The following ZRANB3 variants were observed in gnomAD, a reference collection of about 807,000 sequenced individuals.
ZRANB3 encodes the protein zinc finger RANBP2-type containing 3.
Under a neutral mutation model 133.8 loss-of-function variants are expected in ZRANB3, and 125 were observed. The ratio of observed to expected loss-of-function variants is 0.93; its 90% CI spans 0.81 to 1.08. ZRANB3 has a LOEUF of 1.08. ZRANB3 is among the 50% of genes least tolerant of loss of function. ZRANB3 has a pLI of 0.00. For missense variants in ZRANB3, 1,229 were observed against 1,275.5 expected, an observed-to-expected ratio of 0.96 and a Z score of 0.56; for synonymous variants, 387 against 432.7, an observed-to-expected ratio of 0.89 and a Z score of 1.31.
chr2:135,420,092 TA>T (rs1574077247), intron 2 of ZRANB3, among the ~76,000 whole-genome samples: 2 of 38,354 alleles, frequency 5.2e-5, no homozygotes, highest in African/African-American at 7.3e-4. Flanking sequence ...ATCTTAGATT[TA>T]TATATATATA....
At chr2:135,499,112 G>A (rs1210155723) in intron 2 of ZRANB3, among the ~76,000 whole-genome samples, 1 of 152,058 alleles carries the variant, frequency 6.6e-6, no homozygotes, top group African/African-American at 2.4e-5. Flanking sequence ...AGCTTGGGGG[G>A]CATCACAGAA....
rs530466686 is a variant in ZRANB3 at position 135,475,163 on chromosome 2, T to C, written c.161+29166A>G. ...CTTACCCAGTAGCCAGTTTTATTGT[T>C]AGAAATGTAACACATTCTTCTGTAT... On this transcript the variant is annotated intron_variant, in intron 2 of 20. Transcript: ENST00000264159. Among the ~76,000 whole-genome samples, 22 of 151,874 alleles carry C rather than the reference T, an allele frequency of 1.4e-4. No homozygotes were observed. In the East Asian group the frequency reaches 2.1e-3, roughly 15 times the overall value.
At chr2:135,220,167 A>G (rs527261414) in intron 15 of ZRANB3, among the ~76,000 whole-genome samples, 2 of 152,108 alleles carry the variant, frequency 1.3e-5, no homozygotes, top group East Asian at 3.9e-4. Context: ...CGCCTCCCAA[A>G]GTGCTAGGAT....
intron 2 of ZRANB3, among the ~76,000 whole-genome samples, chr2:135,497,270 A>G (rs1692715097): frequency 6.6e-6 from 1 of 152,238 alleles, no homozygotes; most frequent in Non-Finnish European, 1.5e-5. Flanking sequence ...TGCAGAGTCA[A>G]TAATAGCTGA....
chr2:135,403,332 C>A (rs11891361), intron 2 of ZRANB3, among the ~76,000 whole-genome samples: 40,617 of 152,160 alleles, frequency 0.27, 9,077 homozygotes, highest in African/African-American at 0.6. Context: ...GGAGGGTCCT[C>A]CGCCCACAGA....
At chr2:135,354,965 G>A (rs1685365471) in intron 3 of ZRANB3, among the ~76,000 whole-genome samples, 1 of 151,848 alleles carries the variant, frequency 6.6e-6, no homozygotes, top group Non-Finnish European at 1.5e-5. Flanking sequence ...GCAAACAATG[G>A]GAAAGAGAGA....
chr2:135,400,039 A>G (rs1434804845), intron 2 of ZRANB3, among the ~76,000 whole-genome samples: 1 of 152,152 alleles, frequency 6.6e-6, no homozygotes, highest in African/African-American at 2.4e-5. Flanking sequence ...CAAGAGTTTG[A>G]GACCAGCCTG....
chr2:135,335,650 A>T (rs1273297184), intron 6 of ZRANB3, among the ~76,000 whole-genome samples: 1 of 152,112 alleles, frequency 6.6e-6, no homozygotes, highest in Admixed American at 6.5e-5. Context: ...CAGAGATTGC[A>T]CCACTGCACT....
chr2:135,246,039 C>CTTTTTTTTTTTTTTTTTTTTTTTTTTTT (rs569950745), intron 12 of ZRANB3, among the ~76,000 whole-genome samples: 3 of 100,422 alleles, frequency 3.0e-5, no homozygotes, highest in African/African-American at 4.0e-5. Context: ...TTCTTTCTTT[C>CTTTTTTTTTTTTTTTTTTTTTTTTTTTT]TTTTTTTTTT....
At chr2:135,271,607 T>C (rs1190129177) in intron 10 of ZRANB3, among the ~76,000 whole-genome samples, 161 bp downstream of exon 10, 1 of 152,218 alleles carries the variant, frequency 6.6e-6, no homozygotes. Context: ...CGAGGCCTCT[T>C]TCTATTATAC....
chr2:135,397,263 C>T (rs528576245), intron 2 of ZRANB3, among the ~76,000 whole-genome samples: 9 of 151,738 alleles, frequency 5.9e-5, no homozygotes, highest in Non-Finnish European at 1.2e-4. Context: ...GGCAACATAG[C>T]GAGACCTCCT....
chr2:135,511,861 T>C (rs1217361413), intron 1 of ZRANB3: 2 of 764,558 alleles, frequency 2.6e-6, no homozygotes, highest in Non-Finnish European at 4.9e-6. Context: ...ATGCAGCATG[T>C]CTGGGGCCTA....
intron 2 of ZRANB3, among the ~76,000 whole-genome samples, chr2:135,405,761 T>C (rs944465264): frequency 1.3e-5 from 2 of 152,206 alleles, no homozygotes; most frequent in African/African-American, 2.4e-5. Context: ...CAAGATGTTC[T>C]TTGAAACCAA....
In ZRANB3 at chr2:135,402,668, C is replaced by A. The variant is rs145578582; in HGVS notation, c.162-11848G>T. 2.9e-3 allele frequency among the ~76,000 whole-genome samples: 448 copies of A among 152,008 alleles called. 2 individuals are homozygous for A. The highest frequency in any genetic ancestry group is 0.01 in the African/African-American group (422 of 41,450). ...ATGGTGCGATCTTAGCTCACTGCAA[C>A]CTCCACCTCCTGGGTTCAAGCGATT... On this transcript the variant is annotated intron_variant, in intron 2 of 20. Coordinates refer to ENST00000264159, the MANE Select transcript of ZRANB3 (RefSeq NM_032143.4).
At chr2:135,323,743 C>T (rs1008906312) in intron 6 of ZRANB3, among the ~76,000 whole-genome samples, 1 of 151,902 alleles carries the variant, frequency 6.6e-6, no homozygotes, top group Non-Finnish European at 1.5e-5. Flanking sequence ...TCTTTCCTCA[C>T]CTTGATTTTT....
At chr2:135,431,224 C>T (rs1425857987) in intron 2 of ZRANB3, among the ~76,000 whole-genome samples, 1 of 151,482 alleles carries the variant, frequency 6.6e-6, no homozygotes. Context: ...CTCAGAGAGT[C>T]GAGGCTGCAG....
chr2:135,314,131 TG>T (rs2104825505), intron 7 of ZRANB3, among the ~76,000 whole-genome samples: 1 of 152,302 alleles, frequency 6.6e-6, no homozygotes, highest in East Asian at 1.9e-4. Context: ...CCCAAAGTGC[TG>T]GGACTACAGG....
rs943218515 is a variant in ZRANB3, at chr2:135,221,045, C to T, written c.2251-1867G>A. On this transcript the variant is annotated intron_variant, in intron 15 of 20. Coordinates refer to ENST00000264159, the MANE Select transcript of ZRANB3 (RefSeq NM_032143.4). ...ATAATTTTTGTATTTTTAGTAGAGT[C>T]GGGGTTTCACCATATTGGCCAGGCT... Among the ~76,000 whole-genome samples the T allele has an allele frequency of 3.3e-5, 5 of 151,872 alleles. No individual in the cohort carries two copies. The East Asian group carries it at 5.9e-4, about 18-fold the overall frequency.
chr2:135,473,733 T>C (rs1451131896), intron 2 of ZRANB3, among the ~76,000 whole-genome samples: 1 of 152,202 alleles, frequency 6.6e-6, no homozygotes, highest in Non-Finnish European at 1.5e-5. Flanking sequence ...CAAAGATTTC[T>C]GGCTATGACA....
Sources: gnomAD v4.1 joint callset for allele counts (sites outside exome capture counted in the v4.1 genomes callset) on GRCh38, gnomAD v4.1.1 for gene constraint, MANE v1.5 for transcripts, NCBI Gene and HGNC (gene_info 2026-07-23, HGNC 2026-07-21) for gene names.